The following UNC5D variants were observed in gnomAD, a reference collection of about 807,000 sequenced individuals.
The protein encoded by UNC5D is netrin receptor UNC5D.
Under a neutral mutation model 105.4 loss-of-function variants are expected in UNC5D, and 39 were observed. That is an observed-to-expected ratio of 0.37 (90% confidence interval 0.29 to 0.48). The LOEUF (loss-of-function observed/expected upper bound fraction) is 0.48. UNC5D is among the 20% of genes least tolerant of loss of function. The probability of loss-of-function intolerance (pLI) is 0.98; values close to 1 mark genes in which losing one functional copy is unlikely to be tolerated. For synonymous variants in UNC5D, 452 were observed against 450.4 expected (o/e 1.00, Z -0.04); for missense variants, 991 against 1,202.4 (o/e 0.82, Z 2.60).
chr8:35,293,332 T>G (rs2128863735), intron 1 of UNC5D, among the ~76,000 whole-genome samples: 1 of 152,336 alleles, frequency 6.6e-6, no homozygotes, highest in Non-Finnish European at 1.5e-5. Flanking sequence ...CACCATTTGG[T>G]TGTTTCAGTG....
At chr8:35,294,223 C>T (rs1412845404) in intron 1 of UNC5D, among the ~76,000 whole-genome samples, 2 of 152,164 alleles carry the variant, frequency 1.3e-5, no homozygotes, top group Non-Finnish European at 2.9e-5. Flanking sequence ...GCACGGTTAG[C>T]GTATGCCTCC....
chr8:35,750,635 C>T lies in UNC5D; in HGVS notation c.1989C>T (p.Pro663=). The change falls in exon 13 of 17, where the codon CCC becomes CCT. Residue 663 remains proline, a synonymous_variant. Transcript: ENST00000404895. ...CATCCTGTTACTGCCTTTTGGACCC[C>T]TTTGCGTGTCATGTGCTCCTGGACA... ...ESTSCYCLLD[P]FACHVLLDSF... The T allele has an allele frequency of 6.2e-7, 1 of 1,614,102 alleles. No individual in the cohort carries two copies. Among genetic ancestry groups the T allele is most frequent in the Non-Finnish European group, 8.5e-7 (1 of 1,180,032 alleles).
At chr8:35,465,004 G>A (rs930107187) in intron 1 of UNC5D, among the ~76,000 whole-genome samples, 1 of 152,128 alleles carries the variant, frequency 6.6e-6, no homozygotes, top group Admixed American at 6.5e-5. Flanking sequence ...GGATAGTGAT[G>A]GTTTTCTACT....
intron 1 of UNC5D, among the ~76,000 whole-genome samples, chr8:35,355,723 G>A (rs1801514326): frequency 6.6e-6 from 1 of 152,118 alleles, no homozygotes; most frequent in Admixed American, 6.6e-5. Flanking sequence ...CTTAGGAAGT[G>A]ATTAAGTCAT....
At chr8:35,290,699 A>G (rs1806987319) in intron 1 of UNC5D, among the ~76,000 whole-genome samples, 1 of 152,182 alleles carries the variant, frequency 6.6e-6, no homozygotes, top group African/African-American at 2.4e-5. Context: ...CTGTAATCCC[A>G]GCATTTTGGG....
chr8:35,641,873 G>T (rs778643770), intron 4 of UNC5D, among the ~76,000 whole-genome samples: 3 of 152,098 alleles, frequency 2.0e-5, no homozygotes, highest in African/African-American at 4.8e-5. Flanking sequence ...AATAAAAAGG[G>T]CTGGCACAAT....
intron 1 of UNC5D, among the ~76,000 whole-genome samples, chr8:35,543,851 G>T (rs1029358417): frequency 6.6e-6 from 1 of 152,138 alleles, no homozygotes; most frequent in Admixed American, 6.5e-5. Flanking sequence ...CATTCTTATT[G>T]TAAGTGAAGA....
At chr8:35,678,660 TATG>T (rs1234043805) in intron 4 of UNC5D, among the ~76,000 whole-genome samples, 1 of 152,186 alleles carries the variant, frequency 6.6e-6, no homozygotes, top group East Asian at 1.9e-4. Context: ...TTTCATGTAT[TATG>T]ACCACTTTTT....
At chr8:35,364,848 T>C (rs1802026987) in intron 1 of UNC5D, among the ~76,000 whole-genome samples, 1 of 152,206 alleles carries the variant, frequency 6.6e-6, no homozygotes, top group Non-Finnish European at 1.5e-5. Flanking sequence ...GCTTGCTTAT[T>C]TGTTAATCAA....
At chr8:35,643,517 A>G (rs1419489670) in intron 4 of UNC5D, among the ~76,000 whole-genome samples, 1 of 152,168 alleles carries the variant, frequency 6.6e-6, no homozygotes. Flanking sequence ...GGGTTTCACC[A>G]TATTAGTATT....
chr8:35,469,266 A>G (rs1809538923), intron 1 of UNC5D, among the ~76,000 whole-genome samples: 1 of 152,212 alleles, frequency 6.6e-6, no homozygotes, highest in South Asian at 2.1e-4. Flanking sequence ...TTTATGTTCT[A>G]TGAGTCTCAT....
chr8:35,354,888 G>T (rs541753748), intron 1 of UNC5D, among the ~76,000 whole-genome samples: 23 of 152,250 alleles, frequency 1.5e-4, no homozygotes, highest in African/African-American at 4.3e-4. Flanking sequence ...TCTGTGACCA[G>T]TCCTTCCACA....
chr8:35,714,208 TC>T (rs1828122658), intron 8 of UNC5D, among the ~76,000 whole-genome samples: 1 of 152,204 alleles, frequency 6.6e-6, no homozygotes, highest in Non-Finnish European at 1.5e-5. Flanking sequence ...CAGAGATGAC[TC>T]TTTGATCTTG....
rs574546105 is a variant in UNC5D at position 35,534,504 on chromosome 8, G to A, written c.104-14788G>A. The stretch of plus-strand genomic sequence containing the variant: ...GTTGATGGTTCTAGATGTACTTAAA[G>A]ATCAATTCAAAATAAGTTACGTTTA... On this transcript the variant is annotated intron_variant, in intron 1 of 16. Transcript: ENST00000404895. Among the ~76,000 whole-genome samples the A allele has an allele frequency of 2.4e-3, 359 of 151,768 alleles. 1 individual carries two copies. The highest frequency in any genetic ancestry group is 4.9e-3 in the Admixed American group (75 of 15,228).
At chr8:35,551,842 G>A (rs903591613) in intron 2 of UNC5D, among the ~76,000 whole-genome samples, 1 of 151,664 alleles carries the variant, frequency 6.6e-6, no homozygotes, top group Non-Finnish European at 1.5e-5. Flanking sequence ...AAAGGAAAAG[G>A]AAAAGAAAAA....
chr8:35,602,665 T>C (rs902611531), intron 4 of UNC5D, among the ~76,000 whole-genome samples: 9 of 152,240 alleles, frequency 5.9e-5, no homozygotes, highest in Non-Finnish European at 1.2e-4. Flanking sequence ...TCATTTTTTA[T>C]TGCGTCTATT....
At chr8:35,715,138 C>A (rs1329956082) in intron 8 of UNC5D, among the ~76,000 whole-genome samples, 2 of 151,904 alleles carry the variant, frequency 1.3e-5, no homozygotes, top group African/African-American at 4.8e-5. Flanking sequence ...GCAACAAGAG[C>A]AAAACTCTGT....
chr8:35,452,690 G>A (rs1008633700), intron 1 of UNC5D, among the ~76,000 whole-genome samples: 1 of 152,106 alleles, frequency 6.6e-6, no homozygotes, highest in African/African-American at 2.4e-5. Context: ...TTTAAAGCAC[G>A]AAAACAGTGT....
Position 35,256,968 on chromosome 8 carries a change from T to TG in UNC5D, c.103+21081_103+21082insG, listed in dbSNP as rs1404143944. ...CTCCTGCTCTTTTTTTGTTTTTTTT[T>TG]TTTTTTTGTTTTTTGTTTTTTTTTG... On this transcript the variant is annotated intron_variant, in intron 1 of 16. Transcript: ENST00000404895. 4.1e-3 allele frequency among the ~76,000 whole-genome samples: 611 copies of TG among 150,580 alleles called. 7 individuals are homozygous for TG. Among genetic ancestry groups the TG allele is most frequent in the African/African-American group, 0.015 (588 of 40,304 alleles).
Sources: gnomAD v4.1 joint callset for allele counts (sites outside exome capture counted in the v4.1 genomes callset) on GRCh38, gnomAD v4.1.1 for gene constraint, MANE v1.5 for transcripts, NCBI Gene and HGNC (gene_info 2026-07-23, HGNC 2026-07-21) for gene names.